Variants in ZZEF1 observed in about 807,000 individuals in gnomAD.
The protein encoded by ZZEF1 is zinc finger ZZ-type and EF-hand domain-containing protein 1.
A neutral mutation model predicts 342.8 loss-of-function variants in ZZEF1; 157 were observed. That is an observed-to-expected ratio of 0.46 (90% confidence interval 0.40 to 0.52). The LOEUF (loss-of-function observed/expected upper bound fraction) is 0.52. ZZEF1 is among the 20% of genes least tolerant of loss of function. The pLI, the probability that ZZEF1 is intolerant of heterozygous loss-of-function variation, is 0.00. For synonymous variants in ZZEF1, 1,505 were observed against 1,429.1 expected, an observed-to-expected ratio of 1.05 and a Z score of -1.20; for missense variants, 3,480 against 3,725.6, an observed-to-expected ratio of 0.93 and a Z score of 1.72.
chr17:4,075,491 A>G, intron 21 of ZZEF1, 62 bp from the exon 22 acceptor site: 1 of 1,566,908 alleles, frequency 6.4e-7, no homozygotes, highest in Non-Finnish European at 8.7e-7. Flanking sequence ...AGCCACATGC[A>G]GCAGACTGTT....
intron 8 of ZZEF1, 79 bp downstream of exon 8, chr17:4,104,554 G>A: frequency 6.8e-7 from 1 of 1,474,726 alleles, no homozygotes. Context: ...AAGATACCAG[G>A]AGGTCATATG....
At chr17:4,029,874 C>CAAAAAAAAAAAAAAAAAAAAAAAAAA (rs58293642) in intron 42 of ZZEF1, among the ~76,000 whole-genome samples, 1 of 82,246 alleles carries the variant, frequency 1.2e-5, no homozygotes, top group African/African-American at 3.9e-5. Context: ...AACTCCATCT[C>CAAAAAAAAAAAAAAAAAAAAAAAAAA]AAAAAAAAAA....
chr17:4,103,471 T>A (rs1359934445), intron 8 of ZZEF1, among the ~76,000 whole-genome samples: 1 of 152,074 alleles, frequency 6.6e-6, no homozygotes, highest in African/African-American at 2.4e-5. Flanking sequence ...CACCTGAACC[T>A]GGGAGGTGGA....
Position 4,066,499 on chromosome 17 carries a change from T to C in ZZEF1, c.4197A>G (p.Glu1399=). The C allele has an allele frequency of 6.2e-7, 1 of 1,614,126 alleles. No homozygotes were observed. The highest frequency in any genetic ancestry group is 1.7e-5 in the Admixed American group (1 of 60,014). ...KQKSLMSLGN[E]AEEKHSSEAT... ...CTTCTGAACTATGTTTTTCTTCTGC[T>C]TCATTCCCCAGGCTCATCAGGGACT... The change falls in exon 28 of 55, where the codon GAA becomes GAG. Residue 1399 remains glutamate, a synonymous_variant. Transcript: ENST00000381638.
intron 11 of ZZEF1, among the ~76,000 whole-genome samples, chr17:4,094,010 T>A (rs1210774907): frequency 1.3e-5 from 2 of 152,192 alleles, no homozygotes; most frequent in Non-Finnish European, 2.9e-5. Flanking sequence ...CATGAGGCCC[T>A]GGCTTTCCTG....
chr17:4,104,893 C>T (rs2058185778), intron 7 of ZZEF1, 82 bp from the exon 8 acceptor site: 1 of 1,203,672 alleles, frequency 8.3e-7, no homozygotes, highest in African/African-American at 1.5e-5. Flanking sequence ...AAGTGATCAA[C>T]ACAAGTAACA....
intron 1 of ZZEF1, among the ~76,000 whole-genome samples, chr17:4,132,821 CCGGGTGTGGTGG>C (rs1382058251): frequency 1.3e-5 from 2 of 150,706 alleles, no homozygotes; most frequent in Admixed American, 1.3e-4. Flanking sequence ...AAAAAATTAG[CCGGGTGTGGTGG>C]CGGGCGCCTG....
At chr17:4,134,365 T>TA (rs1567872418) in intron 1 of ZZEF1, among the ~76,000 whole-genome samples, 1 of 146,922 alleles carries the variant, frequency 6.8e-6, no homozygotes, top group Non-Finnish European at 1.5e-5. Context: ...TATATATATA[T>TA]TTATATAATA....
intron 1 of ZZEF1, among the ~76,000 whole-genome samples, chr17:4,126,092 G>A (rs894494923): frequency 1.3e-5 from 2 of 151,964 alleles, no homozygotes; most frequent in Non-Finnish European, 2.9e-5. Context: ...CAGGCATGGT[G>A]GCAGGCACCT....
Position 4,114,457 on chromosome 17 carries a change from A to T in ZZEF1, c.708T>A (p.Asp236Glu), listed in dbSNP as rs765159196. Residue 236 changes from aspartate (D) to glutamate (E), a missense_variant, in exon 4 of 55, where the codon GAT becomes GAA. Physicochemically the swap from Asp to Glu is conservative, Grantham distance 45. This residue lies in a region of ZZEF1 where 416 missense variants were observed against 374.2 expected (regional missense o/e 1.11). Coordinates refer to ENST00000381638, the MANE Select transcript of ZZEF1 (RefSeq NM_015113.4). ...LVQKEKESPG[D>E]LTRSPEMDKL... ...TATCCATCTCTGGACTTCTAGTTAG[A>T]TCTCCAGGGCTTTCTGTAGGGGAAA... The T allele has an allele frequency of 6.4e-7, 1 of 1,566,172 alleles. No individual in the cohort carries two copies. Among genetic ancestry groups the T allele is most frequent in the South Asian group, 1.2e-5 (1 of 83,142 alleles).
chr17:4,034,043 A>T lies in ZZEF1; in HGVS notation c.6556T>A (p.Phe2186Ile). The T allele has an allele frequency of 6.2e-7, 1 of 1,614,210 alleles. No individual in the cohort carries two copies. The highest frequency in any genetic ancestry group is 8.5e-7 in the Non-Finnish European group (1 of 1,180,044). Residue 2186 changes from phenylalanine (F) to isoleucine (I), a missense_variant, in exon 40 of 55, where the codon TTT becomes ATT. Phe to Ile is a conservative substitution (Grantham distance 21). Coordinates refer to ENST00000381638, the MANE Select transcript of ZZEF1 (RefSeq NM_015113.4). ...PDGWKTTHLL[F>I]SLGAVCLDSR... ...TCCAGACACACAGCTCCCAGGCTAA[A>T]GAGCAGGTGGGTGGTTTTCCAGCCA...
At chr17:4,033,897 T>C in intron 40 of ZZEF1, 118 bp downstream of exon 40, 1 of 1,362,398 alleles carries the variant, frequency 7.3e-7, no homozygotes, top group East Asian at 2.3e-5. Flanking sequence ...CACAAAACTC[T>C]CAGACAACAC....
intron 39 of ZZEF1, among the ~76,000 whole-genome samples, chr17:4,034,986 G>A (rs1374793723): frequency 1.3e-5 from 2 of 152,168 alleles, no homozygotes; most frequent in African/African-American, 4.8e-5. Context: ...GTGACAGAGT[G>A]AGACTCCGTC....
At chr17:4,089,346 C>T (rs538194766) in intron 12 of ZZEF1, among the ~76,000 whole-genome samples, 3 of 152,340 alleles carry the variant, frequency 2.0e-5, no homozygotes, top group East Asian at 3.9e-4. Context: ...CCAAACCCAA[C>T]TTTCATGCAA....
intron 5 of ZZEF1, among the ~76,000 whole-genome samples, chr17:4,111,213 C>A (rs973560845): frequency 6.6e-6 from 1 of 151,660 alleles, no homozygotes; most frequent in African/African-American, 2.4e-5. Flanking sequence ...TGTATGTAAA[C>A]CATACACACA....
Position 4,025,052 on chromosome 17 carries a change from C to T in ZZEF1, c.6959G>A (p.Ser2320Asn). 1 of 1,614,206 alleles carries T rather than the reference C, an allele frequency of 6.2e-7. No individual in the cohort carries two copies. The highest frequency in any genetic ancestry group is 8.5e-7 in the Non-Finnish European group (1 of 1,180,040). The change falls in exon 43 of 55, where the codon AGC (serine) becomes AAC (asparagine). Residue 2320 changes from serine (S) to asparagine (N), a missense_variant. By Grantham distance (46) the Ser-to-Asn change is conservative. This residue lies in a region of ZZEF1 where 1,269 missense variants were observed against 1,342.4 expected (regional missense o/e 0.95). Transcript: ENST00000381638. ...AAAGGCAAAGTGCTGGGAGTACTGG[C>T]TCAGCTGGGCCCGAGAGTCACCACA... ...QECGDSRAQL[S>N]QYSQHFAFIA...
intron 27 of ZZEF1, 128 bp from the exon 28 acceptor site, chr17:4,066,668 G>A (rs1360720560): frequency 1.7e-5 from 13 of 779,986 alleles, no homozygotes; most frequent in South Asian, 9.8e-5. Flanking sequence ...CATTTAGAGG[G>A]GTTTGTAATA....
intron 38 of ZZEF1, among the ~76,000 whole-genome samples, chr17:4,042,849 T>G (rs1430315339): frequency 6.6e-6 from 1 of 152,138 alleles, no homozygotes; most frequent in Non-Finnish European, 1.5e-5. Flanking sequence ...GCTCAGCTAA[T>G]TTTTGTATTT....
At chr17:4,068,556 G>A (rs1056984781) in intron 26 of ZZEF1, among the ~76,000 whole-genome samples, 1 of 130,462 alleles carries the variant, frequency 7.7e-6, no homozygotes, top group Non-Finnish European at 1.6e-5. Context: ...CAAAGTGCTG[G>A]GATTACAGGC....
Sources: gnomAD v4.1 joint callset for allele counts (sites outside exome capture counted in the v4.1 genomes callset) on GRCh38, gnomAD v4.1.1 for gene constraint, gnomAD v4.1.1 regional missense constraint, MANE v1.5 for transcripts, NCBI Gene and HGNC (gene_info 2026-07-23, HGNC 2026-07-21) for gene names.